The following IL1RN variants were observed in gnomAD, a reference collection of about 807,000 sequenced individuals.
IL1RN encodes the protein interleukin 1 receptor antagonist.
Under a neutral mutation model 13.7 loss-of-function variants are expected in IL1RN, and 10 were observed. The ratio of observed to expected loss-of-function variants is 0.73; its 90% CI spans 0.45 to 1.24. The LOEUF is 1.24. Ranked by LOEUF, IL1RN falls within the 50% of genes most tolerant of loss-of-function variation. The pLI, the probability that IL1RN is intolerant of heterozygous loss-of-function variation, is 0.00. For synonymous variants in IL1RN, 102 were observed against 82.7 expected (o/e 1.23, Z -1.27); for missense variants, 213 against 222.1 (o/e 0.96, Z 0.26).
At chr2:113,128,431 C>A (rs1043921400) in intron 1 of IL1RN, among the ~76,000 whole-genome samples, 2 of 152,222 alleles carry the variant, frequency 1.3e-5, no homozygotes, top group East Asian at 1.9e-4. Context: ...ACTTCTCCCC[C>A]ACTCTGACCT....
At chr2:113,100,049 A>C in the IL1RN span, among the ~76,000 whole-genome samples, 1 of 135,892 alleles carries the variant, frequency 7.4e-6, no homozygotes. Context: ...TCCTTCTTAA[A>C]AGCTGGACCA....
chr2:113,129,409 T>C (rs1302862192), intron 1 of IL1RN, among the ~76,000 whole-genome samples, 167 bp from the exon 2 acceptor site: 1 of 152,186 alleles, frequency 6.6e-6, no homozygotes, highest in African/African-American at 2.4e-5. Flanking sequence ...TTAACCATTG[T>C]CAGCCTCAGT....
chr2:113,117,641 T>C, upstream of IL1RN: 1 of 407,380 alleles, frequency 2.5e-6, no homozygotes, highest in South Asian at 3.3e-5. Flanking sequence ...CACACATGCA[T>C]GAGCTGGCGG....
rs565560312 is a variant in IL1RN at position 113,132,977 on chromosome 2, A to T, written c.*106A>T. 87 of 1,084,268 alleles carry T rather than the reference A, an allele frequency of 8.0e-5. No individual in the cohort carries two copies. In the African/African-American group the frequency reaches 1.2e-3, roughly 15 times the overall value. 67.2% of individuals were successfully genotyped at this position (1,084,268 alleles called of 1,614,324 possible). A position where few individuals can be genotyped will look rare whatever the true frequency, so the allele number is the denominator to read the frequency against. On this transcript the variant is annotated 3_prime_UTR_variant, in exon 4 of 4. Transcript: ENST00000409930. ...GCTATGGGGGCACTGAGGACCAGCC[A>T]TTGAGGGGTGGACCCTCAGAAGGCG... is the stretch of plus-strand genomic sequence containing the variant.
chr2:113,119,310 T>G (rs1686688725), intron 1 of IL1RN, among the ~76,000 whole-genome samples: 1 of 152,240 alleles, frequency 6.6e-6, no homozygotes, highest in Non-Finnish European at 1.5e-5. Context: ...GAAGGGCTAT[T>G]ATTGCTCACA....
intron 2 of IL1RN, among the ~76,000 whole-genome samples, chr2:113,121,066 CTCCTCCTCCTCT>C (rs1486502894): frequency 2.4e-5 from 3 of 122,930 alleles, no homozygotes; most frequent in African/African-American, 8.8e-5. Context: ...CTTCCTCCTC[CTCCTCCTCCTCT>C]TCTTCTTCTT....
upstream of IL1RN, chr2:113,127,584 G>T (rs1432069665): frequency 1.2e-6 from 2 of 1,610,002 alleles, no homozygotes; most frequent in Non-Finnish European, 1.7e-6. Flanking sequence ...CCACAACTCT[G>T]GGCCCGCAAT....
the IL1RN span, among the ~76,000 whole-genome samples, chr2:113,099,865 G>A: frequency 4.8e-5 from 7 of 146,614 alleles, no homozygotes; most frequent in Non-Finnish European, 9.0e-5. Flanking sequence ...CTCCCGAGTA[G>A]CTGGGACTAC....
intron 1 of IL1RN, chr2:113,118,149 A>C (rs1686643254): frequency 6.7e-7 from 1 of 1,493,922 alleles, no homozygotes; most frequent in Non-Finnish European, 9.3e-7. Context: ...TGTCAAGCGC[A>C]TGGAGCTCCA....
At chr2:113,110,727 G>A (rs1041039324), upstream of IL1RN, among the ~76,000 whole-genome samples, 3 of 152,172 alleles carry the variant, frequency 2.0e-5, no homozygotes, top group African/African-American at 7.2e-5. Context: ...ATTCTTAAAG[G>A]GATAAAAACG....
intron 1 of IL1RN, among the ~76,000 whole-genome samples, 194 bp from the exon 2 acceptor site, chr2:113,129,382 A>G (rs565772950): frequency 1.6e-4 from 24 of 152,276 alleles, no homozygotes; most frequent in African/African-American, 4.6e-4. Context: ...ACCAGCTGTG[A>G]GGGTTGGGCC....
At chr2:113,104,480 C>G (rs1366789937), upstream of IL1RN, among the ~76,000 whole-genome samples, 1 of 152,092 alleles carries the variant, frequency 6.6e-6, no homozygotes, top group Non-Finnish European at 1.5e-5. Context: ...TGGGCCTTCT[C>G]ATGGTGGGGG....
At chr2:113,108,403 G>A (rs532890010), upstream of IL1RN, among the ~76,000 whole-genome samples, 18 of 151,428 alleles carry the variant, frequency 1.2e-4, no homozygotes, top group African/African-American at 3.9e-4. Flanking sequence ...AATGCTATCC[G>A]TCCCCCCTCC....
upstream of IL1RN, among the ~76,000 whole-genome samples, chr2:113,106,735 C>A (rs1177747587): frequency 6.6e-6 from 1 of 152,076 alleles, no homozygotes; most frequent in Non-Finnish European, 1.5e-5. Flanking sequence ...GATGTGGGAA[C>A]CTCAGAGTCT....
At chr2:113,106,492 T>C (rs1288140374), upstream of IL1RN, among the ~76,000 whole-genome samples, 2 of 152,220 alleles carry the variant, frequency 1.3e-5, no homozygotes, top group African/African-American at 4.8e-5. Flanking sequence ...TGTTCTATAA[T>C]AACTGCTTTA....
At chr2:113,129,506 A>G in intron 1 of IL1RN, 70 bp from the exon 2 acceptor site, 10 of 946,160 alleles carry the variant, frequency 1.1e-5, no homozygotes, top group Admixed American at 1.7e-5. Flanking sequence ...TGGGGGACAC[A>G]GGAAGGTGCC....
chr2:113,107,154 C>A (rs1291988588), upstream of IL1RN: 1 of 152,036 alleles, frequency 6.6e-6, no homozygotes, highest in African/African-American at 2.4e-5. Context: ...GAGAGTGCAC[C>A]AATATTGAGG....
chr2:113,127,125 G>C (rs936429124), upstream of IL1RN, among the ~76,000 whole-genome samples: 1 of 152,162 alleles, frequency 6.6e-6, no homozygotes, highest in Non-Finnish European at 1.5e-5. Flanking sequence ...TTACTATCTC[G>C]TCCTTTACAG....
chr2:113,115,534 C>T (rs913070794), upstream of IL1RN: 2 of 152,116 alleles, frequency 1.3e-5, no homozygotes, highest in African/African-American at 4.8e-5. Flanking sequence ...AGCAAGTGGC[C>T]AGTCACCATC....
Sources: gnomAD v4.1 joint callset for allele counts (sites outside exome capture counted in the v4.1 genomes callset) on GRCh38, gnomAD v4.1.1 for gene constraint, MANE v1.5 for transcripts, NCBI Gene and HGNC (gene_info 2026-07-23, HGNC 2026-07-21) for gene names.